Variants in SNED1 observed in about 807,000 individuals in gnomAD.
SNED1 encodes sushi, nidogen and EGF-like domain-containing protein 1.
In SNED1, 81 loss-of-function variants were observed where a neutral mutation model predicts 166.7. That is an observed-to-expected ratio of 0.49 (90% CI 0.41 to 0.58). SNED1 has a LOEUF of 0.58. Among genes scored for constraint, SNED1 ranks in the 20% least tolerant of loss-of-function variants. The probability of loss-of-function intolerance (pLI) is 0.00; values close to 1 mark genes in which losing one functional copy is unlikely to be tolerated. For missense variants in SNED1, 1,604 were observed against 2,000.2 expected (o/e 0.80, Z 3.78); for synonymous variants, 762 against 822.0 (o/e 0.93, Z 1.25).
chr2:241,052,568 G>A (rs2061883516), intron 15 of SNED1, 100 bp downstream of exon 15: 1 of 963,474 alleles, frequency 1.0e-6, no homozygotes, highest in Non-Finnish European at 1.6e-6. Context: ...ACCAGTGCCA[G>A]GCAGGTGAGA....
At chr2:241,089,898 G>A (rs975332588) in intron 31 of SNED1, 44 of 1,513,912 alleles carry the variant, frequency 2.9e-5, no homozygotes, top group East Asian at 4.9e-5. Flanking sequence ...GTAGGCGGTC[G>A]TAACACAGTG....
Position 241,070,136 on chromosome 2 carries a change from T to C in SNED1, c.3524T>C (p.Ile1175Thr). 6.2e-7 allele frequency: 1 copy of C among 1,612,150 alleles called. No individual in the cohort carries two copies. The highest frequency in any genetic ancestry group is 8.5e-7 in the Non-Finnish European group (1 of 1,179,732). ...GGACGGCGGTACCAGCTCTCTGTGA[T>C]AGCAGTGCAGAGCACGGAGCTCGGG... The part of the protein sequence containing the change: ...LPGRRYQLSV[I>T]AVQSTELGPQ... The change falls in exon 24 of 32, where the codon ATA becomes ACA. Residue 1175 changes from isoleucine (I) to threonine (T), a missense_variant. This residue lies in a region of SNED1 where 367 missense variants were observed against 379.4 expected (regional missense o/e 0.97). Transcript: ENST00000310397.
rs545528091 is a variant in SNED1, at chr2:241,013,125, C to T, written c.213+14075C>T. ...ATGGGATTACAGGCGTGAGCCACCGCGCCCGGCCACGAGCAGTACTGTTAA... is the reference window on the plus strand; with the variant it reads ...ATGGGATTACAGGCGTGAGCCACCGTGCCCGGCCACGAGCAGTACTGTTAA... On this transcript the variant is annotated intron_variant, in intron 1 of 31. Transcript: ENST00000310397. The surrounding 1 kb of genome is among the most constrained non-coding windows in gnomAD (Gnocchi z 4.6). Among the ~76,000 whole-genome samples the T allele has an allele frequency of 8.2e-4, 125 of 152,160 alleles. No individual in the cohort carries two copies. The highest frequency in any genetic ancestry group is 1.2e-3 in the Non-Finnish European group (79 of 68,002).
chr2:241,081,576 C>A, intron 27 of SNED1, 101 bp from the exon 28 acceptor site: 1 of 856,212 alleles, frequency 1.2e-6, no homozygotes, highest in Non-Finnish European at 1.9e-6. Context: ...GAGTGCACGG[C>A]CACCCTGCAT....
chr2:241,020,336 G>A (rs2060734070), intron 1 of SNED1, among the ~76,000 whole-genome samples: 1 of 152,242 alleles, frequency 6.6e-6, no homozygotes, highest in Non-Finnish European at 1.5e-5. Flanking sequence ...GTCTCCCAGA[G>A]TTGGCGCTGG....
intron 16 of SNED1, among the ~76,000 whole-genome samples, chr2:241,061,738 A>G (rs1187304853): frequency 6.6e-6 from 1 of 151,984 alleles, no homozygotes; most frequent in Non-Finnish European, 1.5e-5. Flanking sequence ...TACAAAAATT[A>G]GTCGGGCATG....
chr2:241,032,577 A>G (rs543545924), intron 2 of SNED1, among the ~76,000 whole-genome samples: 15 of 152,034 alleles, frequency 9.9e-5, no homozygotes, highest in African/African-American at 3.6e-4. Context: ...TGGCACATGT[A>G]TACATATGTA....
intron 1 of SNED1, among the ~76,000 whole-genome samples, chr2:241,002,484 C>T (rs957108975): frequency 3.3e-5 from 5 of 152,182 alleles, no homozygotes; most frequent in Non-Finnish European, 7.4e-5. Flanking sequence ...GGTGGTCCTG[C>T]CCCTCATCAG....
chr2:241,062,729 G>T, intron 16 of SNED1, 62 bp from the exon 17 acceptor site: 1 of 1,095,530 alleles, frequency 9.1e-7, no homozygotes. Flanking sequence ...ACTAGTTTAT[G>T]TGCATCTTAA....
intron 24 of SNED1, 57 bp from the exon 25 acceptor site, chr2:241,071,518 CA>C (rs1447040286): frequency 1.3e-6 from 2 of 1,538,700 alleles, no homozygotes; most frequent in African/African-American, 2.7e-5. Context: ...GCCACAGGGG[CA>C]GGGACAGGAG....
At chr2:241,043,002 C>T (rs1421819096) in intron 8 of SNED1, among the ~76,000 whole-genome samples, 1 of 151,780 alleles carries the variant, frequency 6.6e-6, no homozygotes, top group African/African-American at 2.4e-5. Flanking sequence ...GCCTGGGATC[C>T]ATGTATGTGC....
chr2:241,094,344 C>T lies in SNED1; in HGVS notation c.*2708C>T. ...GGACTGCCACTGCCATCTGACTCAA[C>T]TGTGGCGATGTGGACGGAGTCACCG... On this transcript the variant is annotated 3_prime_UTR_variant, in exon 32 of 32. Transcript: ENST00000310397. This position sits in a 1 kb window ranked among gnomAD's most constrained non-coding sequence, Gnocchi z 4.3. The T allele has an allele frequency of 2.1e-6, 1 of 470,720 alleles. No homozygotes were observed. The highest frequency in any genetic ancestry group is 3.7e-4 in the Middle Eastern group (1 of 2,702). 29.2% of individuals were successfully genotyped at this position (470,720 alleles called of 1,614,324 possible).
At chr2:241,024,264 T>TTTTTTTA (rs2060871972) in intron 1 of SNED1, among the ~76,000 whole-genome samples, 1 of 121,744 alleles carries the variant, frequency 8.2e-6, no homozygotes, top group African/African-American at 3.1e-5. Flanking sequence ...TTTTTTTTTT[T>TTTTTTTA]AGACAGAGTC....
At position 241,034,712 on chromosome 2, in the gene SNED1, G is replaced by T; in HGVS notation, c.787G>T (p.Gly263Trp). ...FRIDDAQVRV[G>W]GCGHTTSVCL... ...AATCGATGATGCCCAGGTGCGCGTG[G>T]GGGGCTGCGGCCATACAAGTAAGAG... Residue 263 changes from glycine (G) to tryptophan (W), a missense_variant, in exon 4 of 32, where the codon GGG (glycine) becomes TGG (tryptophan). Around this residue, in one of 2 missense-constraint regions of SNED1, gnomAD observed 1,237 missense variants for 1,620.8 expected, o/e 0.76. Transcript: ENST00000310397. 6.3e-7 allele frequency: 1 copy of T among 1,575,680 alleles called. No individual in the cohort carries two copies. Among genetic ancestry groups the T allele is most frequent in the Non-Finnish European group, 8.6e-7 (1 of 1,161,352 alleles).
At chr2:241,087,931 A>T (rs898108227) in intron 30 of SNED1, 3 of 407,500 alleles carry the variant, frequency 7.4e-6, no homozygotes, top group Admixed American at 4.2e-5. Context: ...TGCTTTAGAA[A>T]CCACAGAGTC....
Position 241,051,431 on chromosome 2 carries a change from T to G in SNED1, c.1736-313T>G. The stretch of plus-strand genomic sequence containing the variant: ...ATGCCCGTGTGCAGGAGGGAGGGAG[T>G]GCTGCGCCCGCTGCAGTGTTGGGGC... On this transcript the variant is annotated intron_variant, in intron 12 of 31. Coordinates refer to ENST00000310397, the MANE Select transcript of SNED1 (RefSeq NM_001080437.3). The surrounding 1 kb of genome is among the most constrained non-coding windows in gnomAD (Gnocchi z 4.7). 1 of 291,488 alleles carries G rather than the reference T, an allele frequency of 3.4e-6. No individual in the cohort carries two copies. 18.1% of individuals were successfully genotyped at this position (291,488 alleles called of 1,614,324 possible). A position where few individuals can be genotyped will look rare whatever the true frequency, so the allele number is the denominator to read the frequency against.
chr2:241,036,315 AGCCCAGAGCGGCC>A (rs1354195080), intron 4 of SNED1, among the ~76,000 whole-genome samples: 20 of 151,308 alleles, frequency 1.3e-4, no homozygotes, highest in Non-Finnish European at 1.5e-4. Flanking sequence ...CGGGGCGGGG[AGCCCAGAGCGGCC>A]GCCCAGCATC....
chr2:241,071,006 T>C (rs2062685239), intron 24 of SNED1, among the ~76,000 whole-genome samples: 1 of 152,050 alleles, frequency 6.6e-6, no homozygotes, highest in Non-Finnish European at 1.5e-5. Context: ...CCCACCAGCT[T>C]GGGGCCAAGC....
chr2:241,091,092 C>G lies in SNED1; in HGVS notation c.*2-546C>G, dbSNP rs985142610. On this transcript the variant is annotated intron_variant, in intron 31 of 31. Transcript: ENST00000310397. This position sits in a 1 kb window ranked among gnomAD's most constrained non-coding sequence, Gnocchi z 4.1. ...TTTAAATGCTTGCCTAGCACATCCACTCCCATAAAAACAAATCAGAAACCC... is the reference window on the plus strand; with the variant it reads ...TTTAAATGCTTGCCTAGCACATCCAGTCCCATAAAAACAAATCAGAAACCC... Among the ~76,000 whole-genome samples the G allele has an allele frequency of 3.9e-5, 6 of 152,150 alleles. No individual in the cohort carries two copies. The highest frequency in any genetic ancestry group is 8.8e-5 in the Non-Finnish European group (6 of 68,028).
Sources: gnomAD v4.1 joint callset for allele counts (sites outside exome capture counted in the v4.1 genomes callset) on GRCh38, gnomAD v4.1.1 for gene constraint, gnomAD v4.1.1 regional missense constraint, Gnocchi (gnomAD v3.1) non-coding constraint, MANE v1.5 for transcripts, NCBI Gene and HGNC (gene_info 2026-07-23, HGNC 2026-07-21) for gene names.